LARP4: variants seen among roughly 807,000 people sequenced by gnomAD.
The protein encoded by LARP4 is La ribonucleoprotein 4.
A neutral mutation model predicts 92.9 loss-of-function variants in LARP4; 29 were observed. The observed-to-expected ratio is 0.31, with a 90% confidence interval of 0.23 to 0.43. The LOEUF (loss-of-function observed/expected upper bound fraction) is 0.43, where lower values mean the gene tolerates loss of function less well. Among genes scored for constraint, LARP4 ranks in the 20% least tolerant of loss-of-function variants. The pLI is 1.00. For synonymous variants in LARP4, 279 were observed against 284.1 expected, an observed-to-expected ratio of 0.98 and a Z score of 0.18; for missense variants, 732 against 860.0, an observed-to-expected ratio of 0.85 and a Z score of 1.86.
intron 10 of LARP4, among the ~76,000 whole-genome samples, chr12:50,458,902 T>C (rs147805657): frequency 9.0e-4 from 137 of 152,366 alleles, no homozygotes; most frequent in Admixed American, 2.4e-3. Flanking sequence ...CATGCCATGC[T>C]ATTGGGTGCA....
chr12:50,427,105 C>G (rs562821740), intron 1 of LARP4, among the ~76,000 whole-genome samples: 1 of 152,042 alleles, frequency 6.6e-6, no homozygotes, highest in Non-Finnish European at 1.5e-5. Flanking sequence ...CATACACTTG[C>G]AGGACAGATG....
rs536001601 is a variant in LARP4, at chr12:50,464,781, C to T, written c.1383+2151C>T. ...TCTCGGCTCACTGCAACCTCTGCCT[C>T]CTGGGTTCAAGTGATTCTCTTGCCT... On this transcript the variant is annotated intron_variant, in intron 12 of 15. Coordinates refer to ENST00000398473, the MANE Select transcript of LARP4 (RefSeq NM_052879.5). Among the ~76,000 whole-genome samples, 3 of 152,132 alleles carry T rather than the reference C, an allele frequency of 2.0e-5. No homozygotes were observed. In the South Asian group the frequency reaches 6.2e-4, roughly 32 times the overall value.
intron 1 of LARP4, among the ~76,000 whole-genome samples, chr12:50,414,924 G>T (rs1565949489): frequency 2.0e-5 from 3 of 152,088 alleles, no homozygotes; most frequent in African/African-American, 4.8e-5. Flanking sequence ...TATAGTCTTG[G>T]CCTGGTACAG....
intron 1 of LARP4, among the ~76,000 whole-genome samples, chr12:50,414,171 T>C (rs1946376525): frequency 6.6e-6 from 1 of 152,196 alleles, no homozygotes; most frequent in Admixed American, 6.6e-5. Flanking sequence ...AGGGTAAAAA[T>C]GATATTTTAT....
intron 2 of LARP4, among the ~76,000 whole-genome samples, chr12:50,428,385 C>T (rs935573593): frequency 2.6e-5 from 4 of 152,134 alleles, no homozygotes; most frequent in Non-Finnish European, 5.9e-5. Flanking sequence ...TTCCTTTAAA[C>T]ATACTGCATC....
chr12:50,421,149 G>A (rs1019640258), intron 1 of LARP4: 3 of 201,742 alleles, frequency 1.5e-5, no homozygotes, highest in African/African-American at 7.2e-5. Flanking sequence ...CGGTTTCGCT[G>A]TATGTTGGCT....
intron 1 of LARP4, among the ~76,000 whole-genome samples, chr12:50,421,766 A>G (rs757211549): frequency 2.6e-5 from 4 of 152,160 alleles, no homozygotes; most frequent in Non-Finnish European, 5.9e-5. Flanking sequence ...CTATAACCAC[A>G]TGCTTAGGTA....
chr12:50,438,699 T>C (rs1950785965), intron 6 of LARP4, among the ~76,000 whole-genome samples: 1 of 152,218 alleles, frequency 6.6e-6, no homozygotes, highest in Non-Finnish European at 1.5e-5. Flanking sequence ...ATTGCCTGTT[T>C]TACTGATGAA....
chr12:50,473,184 C>A (rs545543412), intron 13 of LARP4, among the ~76,000 whole-genome samples: 1 of 152,170 alleles, frequency 6.6e-6, no homozygotes, highest in East Asian at 1.9e-4. Flanking sequence ...ACATTGCCAC[C>A]CTCTATGTAT....
chr12:50,421,610 A>C (rs1358546754), intron 1 of LARP4, among the ~76,000 whole-genome samples: 6 of 151,976 alleles, frequency 3.9e-5, no homozygotes, highest in Non-Finnish European at 8.8e-5. Flanking sequence ...TTGCCACTGC[A>C]GCCCAGCCTG....
Position 50,437,790 on chromosome 12 carries a change from G to C in LARP4, c.591G>C (p.Lys197Asn). The change falls in exon 6 of 16, where the codon AAG becomes AAC. Residue 197 changes from lysine to asparagine, a missense_variant. Lys to Asn is a moderately conservative substitution (Grantham distance 94). Around this residue, in one of 7 missense-constraint regions of LARP4, gnomAD observed 236 missense variants for 307.6 expected, o/e 0.77. Transcript: ENST00000398473. ...GTGAGAAAGTGAGACCAAGTCATAA[G>C]CGTTGTATTGTAATTCTTAGAGAGA... Reference protein sequence around the residue: ...EKGEKVRPSHKRCIVILREIP... With the variant: ...EKGEKVRPSHNRCIVILREIP... 1 of 1,611,592 alleles carries C rather than the reference G, an allele frequency of 6.2e-7. No individual in the cohort carries two copies. The highest frequency in any genetic ancestry group is 1.1e-5 in the South Asian group (1 of 90,888).
In LARP4 at chr12:50,453,651, A is replaced by G. The variant is rs755279106; in HGVS notation, c.996A>G (p.Thr332=). ...IVPQSWSPNP[T]PYFETPLAPF... is the part of the protein sequence containing the mutation. ...CTCAGTCTTGGTCTCCAAATCCTAC[A>G]CCTTACTTTGAAACACCACTGGTAA... The change falls in exon 9 of 16, where the codon ACA becomes ACG. Residue 332 remains threonine, a synonymous_variant. Transcript: ENST00000398473. The G allele has an allele frequency of 2.5e-6, 4 of 1,604,968 alleles. No homozygotes were observed. The South Asian group carries it at 4.4e-5, about 18-fold the overall frequency.
rs1943709700 is a variant in LARP4 at position 50,401,031 on chromosome 12, G to A, written c.18+3G>A. The A allele has an allele frequency of 6.2e-7, 1 of 1,614,018 alleles. No individual in the cohort carries two copies. The highest frequency in any genetic ancestry group is 1.3e-5 in the African/African-American group (1 of 74,926). ...ACGACATGTTGCTTTTCGTGGAGGT[G>A]AGTGCATTATGCTAGTCTCGTCCTG... On this transcript the variant is annotated splice_donor_region_variant and intron_variant, in intron 1 of 15. Transcript: ENST00000398473.
intron 1 of LARP4, among the ~76,000 whole-genome samples, chr12:50,415,456 C>T (rs940373758): frequency 1.9e-4 from 29 of 151,966 alleles, no homozygotes; most frequent in African/African-American, 6.3e-4. Flanking sequence ...TAGCGTACCC[C>T]ATCAGGAGAA....
chr12:50,406,726 TG>T (rs1944906797), intron 1 of LARP4, among the ~76,000 whole-genome samples: 1 of 152,164 alleles, frequency 6.6e-6, no homozygotes, highest in Non-Finnish European at 1.5e-5. Flanking sequence ...AACAGTTTTT[TG>T]TTTTTTTGAG....
chr12:50,427,663 C>T, intron 1 of LARP4, 99 bp from the exon 2 acceptor site: 2 of 608,232 alleles, frequency 3.3e-6, no homozygotes, highest in East Asian at 6.0e-5. Flanking sequence ...TATTGGGTTT[C>T]TCCCCCACTT....
At chr12:50,467,366 C>T (rs77443433) in intron 13 of LARP4, among the ~76,000 whole-genome samples, 2 of 151,578 alleles carry the variant, frequency 1.3e-5, no homozygotes, top group African/African-American at 4.9e-5. Context: ...TCTTAGCTCA[C>T]TGCAACCTCT....
chr12:50,409,453 A>G (rs1565934463), intron 1 of LARP4, among the ~76,000 whole-genome samples: 1 of 152,146 alleles, frequency 6.6e-6, no homozygotes, highest in Non-Finnish European at 1.5e-5. Context: ...GGACTGATTG[A>G]GGCCAGGAGT....
intron 8 of LARP4, among the ~76,000 whole-genome samples, chr12:50,447,154 G>T (rs1365687569): frequency 6.6e-6 from 1 of 152,154 alleles, no homozygotes; most frequent in Non-Finnish European, 1.5e-5. Context: ...AAGTTTTTGA[G>T]TACTAACATG....
Sources: allele counts gnomAD v4.1 joint callset (sites outside exome capture counted in the v4.1 genomes callset), GRCh38; gene constraint gnomAD v4.1.1; regional missense constraint gnomAD v4.1.1; transcripts MANE v1.5; gene names NCBI Gene and HGNC (gene_info 2026-07-23, HGNC 2026-07-21).